The following CELF2 variants were observed in gnomAD, a reference collection of about 807,000 sequenced individuals.
CELF2 encodes CUGBP Elav-like family member 2.
Under a neutral mutation model 62.6 loss-of-function variants are expected in CELF2, and 8 were observed. That is an observed-to-expected ratio of 0.13 (90% CI 0.07 to 0.23). CELF2 has a LOEUF of 0.23. CELF2 is among the 10% of genes least tolerant of loss of function. CELF2 has a pLI of 1.00. For synonymous variants in CELF2, 258 were observed against 250.0 expected, an observed-to-expected ratio of 1.03 and a Z score of -0.30; for missense variants, 333 against 671.0, an observed-to-expected ratio of 0.50 and a Z score of 5.56.
intron 1 of CELF2, among the ~76,000 whole-genome samples, chr10:11,106,668 G>A (rs1162542763): frequency 6.6e-6 from 1 of 152,358 alleles, no homozygotes; most frequent in East Asian, 1.9e-4. Flanking sequence ...GATATTTTAA[G>A]CAAGGATGAA....
intron 3 of CELF2, among the ~76,000 whole-genome samples, chr10:11,232,439 A>G (rs1235542926): frequency 1.3e-5 from 2 of 152,150 alleles, no homozygotes; most frequent in South Asian, 2.1e-4. Flanking sequence ...TTGGGGGGAA[A>G]AAATAGAAGT....
At chr10:10,476,607 C>A in the CELF2 span, among the ~76,000 whole-genome samples, 1 of 151,966 alleles carries the variant, frequency 6.6e-6, no homozygotes, top group Non-Finnish European at 1.5e-5. Flanking sequence ...ACTAAATATA[C>A]TTGTTGGCAT....
chr10:10,648,379 T>C, the CELF2 span, among the ~76,000 whole-genome samples: 1 of 152,202 alleles, frequency 6.6e-6, no homozygotes, highest in East Asian at 1.9e-4. Flanking sequence ...AAGTAAGAGA[T>C]CACCTTTGAT....
chr10:10,711,990 A>G, the CELF2 span, among the ~76,000 whole-genome samples: 1 of 152,022 alleles, frequency 6.6e-6, no homozygotes, highest in African/African-American at 2.4e-5. Flanking sequence ...ATGTGCAAGG[A>G]AGAAGCCGAG....
At position 11,227,238 on chromosome 10, in the gene CELF2, T is replaced by C. The variant is rs561812240; in HGVS notation, c.354+9731T>C. ...AAGGAACTGTTCTACCCTGTTGTTT[T>C]ACTAATGAGGAAGTGATGGTCCAAG... On this transcript the variant is annotated intron_variant, in intron 3 of 12. Transcript: ENST00000633077. This position sits in a 1 kb window ranked among gnomAD's most constrained non-coding sequence, Gnocchi z 4.8. Among the ~76,000 whole-genome samples the C allele has an allele frequency of 1.3e-5, 2 of 152,330 alleles. No individual in the cohort carries two copies. Among genetic ancestry groups the C allele is most frequent in the South Asian group, 4.1e-4 (2 of 4,826 alleles).
the CELF2 span, among the ~76,000 whole-genome samples, chr10:10,598,381 A>T: frequency 6.6e-6 from 1 of 152,152 alleles, no homozygotes; most frequent in Non-Finnish European, 1.5e-5. Flanking sequence ...TTCTTCAGGG[A>T]ATTGGCAGTG....
At chr10:10,829,732 C>G (rs2057690837) in intron 1 of CELF2, among the ~76,000 whole-genome samples, 1 of 152,056 alleles carries the variant, frequency 6.6e-6, no homozygotes, top group South Asian at 2.1e-4. Flanking sequence ...GCCAACATCC[C>G]CAGAGATAAG....
At chr10:11,320,324 G>A (rs1355001111) in intron 10 of CELF2, among the ~76,000 whole-genome samples, 2 of 152,220 alleles carry the variant, frequency 1.3e-5, no homozygotes, top group Non-Finnish European at 2.9e-5. Flanking sequence ...TGATAGCCAA[G>A]GTCCAGCCCA....
chr10:10,741,144 G>A, the CELF2 span, among the ~76,000 whole-genome samples: 1 of 152,106 alleles, frequency 6.6e-6, no homozygotes, highest in African/African-American at 2.4e-5. Context: ...TTTACCTGTA[G>A]GAACATTTCA....
chr10:11,201,415 G>T lies in CELF2; in HGVS notation c.272-16010G>T, dbSNP rs76946871. Among the ~76,000 whole-genome samples the T allele has an allele frequency of 2.0e-4, 31 of 152,292 alleles. 1 individual carries two copies. In the East Asian group the frequency reaches 4.8e-3, roughly 24 times the overall value. ...ACTCTACCATCTCTTTGGTTTTTGTGTGTGTGTGTGTTTTGTTACTTTTTT... is the reference window on the plus strand; with the variant it reads ...ACTCTACCATCTCTTTGGTTTTTGTTTGTGTGTGTGTTTTGTTACTTTTTT... On this transcript the variant is annotated intron_variant, in intron 2 of 12. Transcript: ENST00000633077.
At chr10:10,605,532 T>C in the CELF2 span, among the ~76,000 whole-genome samples, 2 of 152,262 alleles carry the variant, frequency 1.3e-5, no homozygotes, top group Non-Finnish European at 2.9e-5. Context: ...CAAATACGAT[T>C]ACTCTTTTGG....
At chr10:10,537,566 G>A in the CELF2 span, among the ~76,000 whole-genome samples, 8 of 152,032 alleles carry the variant, frequency 5.3e-5, no homozygotes, top group East Asian at 1.9e-4. Context: ...ACTTCATAAC[G>A]ACCTGGAGGC....
rs943663974 is a variant in CELF2 at position 10,957,955 on chromosome 10, C to T, written c.89+37956C>T. On this transcript the variant is annotated intron_variant, in intron 2 of 13. Transcript: ENST00000636488. This position sits in a 1 kb window ranked among gnomAD's most constrained non-coding sequence, Gnocchi z 4.1. ...ATTTTTGTTATGTGTTTCAGAGGAG[C>T]GCTATGACTTAAGGAATGTATATGA... Among the ~76,000 whole-genome samples, 4 of 152,042 alleles carry T rather than the reference C, an allele frequency of 2.6e-5. No homozygotes were observed. Among genetic ancestry groups the T allele is most frequent in the African/African-American group, 4.8e-5 (2 of 41,378 alleles).
chr10:11,252,557 G>A (rs978199359), intron 4 of CELF2, among the ~76,000 whole-genome samples: 5 of 152,230 alleles, frequency 3.3e-5, no homozygotes, highest in Non-Finnish European at 5.9e-5. Context: ...TTCTGAGAGA[G>A]GGAACCTCTG....
chr10:10,523,864 C>T, the CELF2 span, among the ~76,000 whole-genome samples: 4 of 152,096 alleles, frequency 2.6e-5, no homozygotes, highest in East Asian at 5.8e-4. Flanking sequence ...AATGGAAGGC[C>T]ACATACTTTA....
rs1385604772 is a variant in CELF2 at position 11,010,994 on chromosome 10, A to AATCT, written c.53+5555_53+5556insTCTA. ...AAAGCATCTAGGAAGGAAGAAAGGA[A>AATCT]ACATTTTTGAAAGTACCAATGTAGA... On this transcript the variant is annotated intron_variant, in intron 1 of 12. Coordinates refer to the CELF2 transcript ENST00000416382. The surrounding 1 kb of genome is among the most constrained non-coding windows in gnomAD (Gnocchi z 4.1). 6.6e-6 allele frequency: 1 copy of AATCT among 152,232 alleles called. No individual in the cohort carries two copies. The highest frequency in any genetic ancestry group is 2.4e-5 in the African/African-American group (1 of 41,442). 9.4% of individuals were successfully genotyped at this position (152,232 alleles called of 1,614,324 possible). A position where few individuals can be genotyped will look rare whatever the true frequency, so the allele number is the denominator to read the frequency against.
rs1406229519 is a variant in CELF2 at position 11,244,110 on chromosome 10, G to T, written c.355-5043G>T. 6.6e-6 allele frequency among the ~76,000 whole-genome samples: 1 copy of T among 152,236 alleles called. No individual in the cohort carries two copies. The highest frequency in any genetic ancestry group is 2.4e-5 in the African/African-American group (1 of 41,456). On this transcript the variant is annotated intron_variant, in intron 3 of 12. Transcript: ENST00000633077. This position sits in a 1 kb window ranked among gnomAD's most constrained non-coding sequence, Gnocchi z 4.2. ...AGCTCTGGCAGCAGGGAGGGCCAGG[G>T]TCCCTAGTCATGGGGAAGCAGTTGA...
chr10:11,163,283 G>T (rs990058802), intron 1 of CELF2, among the ~76,000 whole-genome samples: 6 of 152,176 alleles, frequency 3.9e-5, no homozygotes, highest in Non-Finnish European at 7.3e-5. Context: ...TCTGTTTTCT[G>T]TTAGCCGAGA....
intron 2 of CELF2, among the ~76,000 whole-genome samples, chr10:10,971,649 C>G (rs973551315): frequency 6.6e-6 from 1 of 152,184 alleles, no homozygotes; most frequent in Non-Finnish European, 1.5e-5. Context: ...TGCAGTGGTG[C>G]TATCTCAGTT....
Sources: allele counts gnomAD v4.1 joint callset (sites outside exome capture counted in the v4.1 genomes callset), GRCh38; gene constraint gnomAD v4.1.1; non-coding constraint Gnocchi (gnomAD v3.1); transcripts MANE v1.5; gene names NCBI Gene and HGNC (gene_info 2026-07-23, HGNC 2026-07-21).